The following NRCAM variants were observed in gnomAD, a reference collection of about 807,000 sequenced individuals.
The protein encoded by NRCAM is NgCAM-related cell adhesion molecule.
NRCAM carries 83 observed loss-of-function variants against 156.5 expected under a neutral mutation model. That is an observed-to-expected ratio of 0.53 (90% CI 0.44 to 0.64). NRCAM has a LOEUF of 0.64. NRCAM is among the 30% of genes least tolerant of loss of function. The pLI, the probability that NRCAM is intolerant of heterozygous loss-of-function variation, is 0.00. For missense variants in NRCAM, 1,417 were observed against 1,597.3 expected, an observed-to-expected ratio of 0.89 and a Z score of 1.92; for synonymous variants, 538 against 563.9, an observed-to-expected ratio of 0.95 and a Z score of 0.65.
At chr7:108,207,219 A>T (rs975211544) in intron 13 of NRCAM, 2 of 216,352 alleles carry the variant, frequency 9.2e-6, no homozygotes, top group Non-Finnish European at 1.8e-5. Context: ...TGCACAAAGA[A>T]GATCATCTAA....
Position 108,350,665 on chromosome 7 carries a change from C to CA in NRCAM, c.-173-37935dup, listed in dbSNP as rs750859932. Among the ~76,000 whole-genome samples the CA allele has an allele frequency of 4.6e-5, 7 of 150,672 alleles. No individual in the cohort carries two copies. The East Asian group carries it at 5.8e-4, about 13-fold the overall frequency. On this transcript the variant is annotated intron_variant, in intron 2 of 32. Coordinates refer to ENST00000379028, the MANE Select transcript of NRCAM (RefSeq NM_001037132.4). ...ATACCCACTCCCCTGTTGGTGCCTC[C>CA]AAAAAAAATTACTTGCACTCAAATG...
intron 16 of NRCAM, 38 bp downstream of exon 16, chr7:108,194,222 CAA>C: frequency 1.2e-6 from 2 of 1,610,838 alleles, no homozygotes; most frequent in Non-Finnish European, 1.7e-6. Flanking sequence ...AGAATTTGTT[CAA>C]AGTCATTTAA....
At chr7:108,298,628 G>C (rs924647766) in intron 3 of NRCAM, among the ~76,000 whole-genome samples, 4 of 151,436 alleles carry the variant, frequency 2.6e-5, no homozygotes, top group Admixed American at 2.6e-4. Flanking sequence ...ACTCCAGCCT[G>C]GGTAACACAG....
intron 29 of NRCAM, 88 bp from the exon 30 acceptor site, chr7:108,167,161 A>C: frequency 2.1e-6 from 2 of 950,184 alleles, no homozygotes; most frequent in South Asian, 1.6e-5. Context: ...ATTCTTTATA[A>C]GCTAAAGACA....
intron 2 of NRCAM, among the ~76,000 whole-genome samples, chr7:108,395,922 T>C (rs1210338931): frequency 1.3e-5 from 2 of 152,340 alleles, no homozygotes; most frequent in South Asian, 2.1e-4. Context: ...CATACCATCT[T>C]GTGTTCACAG....
At chr7:108,166,841 C>T (rs1188398373) in intron 30 of NRCAM, 80 bp downstream of exon 30, 162 of 1,369,514 alleles carry the variant, frequency 1.2e-4, no homozygotes, top group Non-Finnish European at 1.5e-4. Flanking sequence ...CACAGCTCCA[C>T]CAGCCCCCAT....
intron 28 of NRCAM, 98 bp from the exon 29 acceptor site, chr7:108,168,500 A>G (rs2056357323): frequency 1.9e-6 from 2 of 1,065,032 alleles, no homozygotes; most frequent in Non-Finnish European, 2.4e-6. Flanking sequence ...GTGCAAATAG[A>G]ATTAAATAGA....
chr7:108,308,643 T>C (rs1468707033), intron 3 of NRCAM, among the ~76,000 whole-genome samples: 1 of 152,200 alleles, frequency 6.6e-6, no homozygotes. Flanking sequence ...CATCATTGTC[T>C]CACTATGGCA....
chr7:108,278,308 G>A (rs10464625), intron 3 of NRCAM, among the ~76,000 whole-genome samples: 6,522 of 152,238 alleles, frequency 0.043, 182 homozygotes, highest in South Asian at 0.11. Flanking sequence ...TGCAGAAGTC[G>A]TCTGCTGCCT....
At chr7:108,210,372 G>A (rs1279701320) in intron 11 of NRCAM, among the ~76,000 whole-genome samples, 5 of 151,742 alleles carry the variant, frequency 3.3e-5, no homozygotes, top group South Asian at 2.1e-4. Flanking sequence ...TCAGCCTCCC[G>A]AGTAGCTGGG....
intron 1 of NRCAM, among the ~76,000 whole-genome samples, chr7:108,450,685 T>C (rs1211791856): frequency 1.3e-5 from 2 of 152,190 alleles, no homozygotes; most frequent in African/African-American, 4.8e-5. Flanking sequence ...CAGACATAGG[T>C]ACTTTAATTC....
At chr7:108,280,914 C>A (rs1311135538) in intron 3 of NRCAM, among the ~76,000 whole-genome samples, 1 of 152,094 alleles carries the variant, frequency 6.6e-6, no homozygotes, top group Non-Finnish European at 1.5e-5. Context: ...GCTAAAAGCT[C>A]TTAAAAGTCA....
intron 6 of NRCAM, 53 bp downstream of exon 6, chr7:108,234,530 A>G: frequency 9.2e-7 from 1 of 1,086,676 alleles, no homozygotes; most frequent in Non-Finnish European, 1.4e-6. Flanking sequence ...CTCTATTCAG[A>G]GAGATTTCCT....
intron 1 of NRCAM, among the ~76,000 whole-genome samples, chr7:108,416,786 A>G (rs1162567058): frequency 6.6e-6 from 1 of 152,188 alleles, no homozygotes; most frequent in Non-Finnish European, 1.5e-5. Flanking sequence ...CAGTTCACAC[A>G]TCCTGTTAAT....
At chr7:108,304,910 A>G (rs993905191) in intron 3 of NRCAM, among the ~76,000 whole-genome samples, 4 of 152,216 alleles carry the variant, frequency 2.6e-5, no homozygotes, top group Non-Finnish European at 5.9e-5. Context: ...AGAATCAAGA[A>G]GTCTATTATA....
chr7:108,380,644 C>T (rs999245048), intron 2 of NRCAM, among the ~76,000 whole-genome samples: 2 of 152,264 alleles, frequency 1.3e-5, no homozygotes, highest in East Asian at 3.9e-4. Flanking sequence ...GCTACTGCTT[C>T]TTGCTCTTGG....
intron 2 of NRCAM, among the ~76,000 whole-genome samples, chr7:108,398,267 G>A (rs1326832894): frequency 6.6e-6 from 1 of 152,062 alleles, no homozygotes; most frequent in Non-Finnish European, 1.5e-5. Flanking sequence ...AGAAATCCAA[G>A]AATCCCAAGT....
At chr7:108,155,101 T>TATATACACACACACAC (rs1270777439) in intron 32 of NRCAM, among the ~76,000 whole-genome samples, 7 of 123,100 alleles carry the variant, frequency 5.7e-5, no homozygotes, top group African/African-American at 2.5e-4. Context: ...TATATATATA[T>TATATACACACACACAC]ACACACACAC....
intron 11 of NRCAM, among the ~76,000 whole-genome samples, chr7:108,222,532 C>T (rs368194708): frequency 1.3e-5 from 2 of 152,202 alleles, no homozygotes; most frequent in East Asian, 1.9e-4. Flanking sequence ...TACACCATAA[C>T]GATGGAAACT....
Sources: allele counts gnomAD v4.1 joint callset (sites outside exome capture counted in the v4.1 genomes callset), GRCh38; gene constraint gnomAD v4.1.1; transcripts MANE v1.5; gene names NCBI Gene and HGNC (gene_info 2026-07-23, HGNC 2026-07-21).